The following CSF1R variants were observed in gnomAD, a reference collection of about 807,000 sequenced individuals.
CSF1R encodes the protein macrophage colony-stimulating factor 1 receptor.
CSF1R carries 40 observed loss-of-function variants against 110.0 expected under a neutral mutation model. The observed-to-expected ratio is 0.36, with a 90% CI of 0.28 to 0.47. The LOEUF (loss-of-function observed/expected upper bound fraction) is 0.47. Among genes scored for constraint, CSF1R ranks in the 20% least tolerant of loss-of-function variants. CSF1R has a pLI of 0.99. For synonymous variants in CSF1R, 523 were observed against 503.4 expected (o/e 1.04, Z -0.52); for missense variants, 1,052 against 1,253.0 (o/e 0.84, Z 2.42).
chr5:150,110,980 C>T (rs57242677), intron 1 of CSF1R, among the ~76,000 whole-genome samples: 3,984 of 151,816 alleles, frequency 0.026, 176 homozygotes, highest in African/African-American at 0.091. Context: ...ATAGAAGCCA[C>T]TTGCCTAAGC....
At position 150,054,012 on chromosome 5, in the gene CSF1R, C is replaced by A; in HGVS notation, c.*57G>T. On this transcript the variant is annotated 3_prime_UTR_variant, in exon 21 of 21. Transcript: ENST00000675795. ...GTATGTTCTCCCCGTGTCGCCCCAT[C>A]CATGGAGGAGTTGAAGTTTGTGGGA... The A allele has an allele frequency of 1.9e-6, 3 of 1,552,358 alleles. No homozygotes were observed. The highest frequency in any genetic ancestry group is 2.7e-6 in the Non-Finnish European group (3 of 1,130,662).
rs375971167 is a variant in CSF1R at position 150,073,456 on chromosome 5, G to A, written c.927C>T (p.Leu309=). Residue 309 remains leucine (L), a synonymous_variant, in exon 6 of 21, where the codon CTC becomes CTT. Transcript: ENST00000675795. ...AYLNLSSEQN[L]IQEVTVGEGL... ...CCTCCCCCACGGTCACCTCCTGGAT[G>A]AGGTTCTGCTCAGAGCTCAAGTTCA... The A allele has an allele frequency of 1.2e-6, 2 of 1,614,104 alleles. No individual in the cohort carries two copies. The highest frequency in any genetic ancestry group is 1.7e-6 in the Non-Finnish European group (2 of 1,180,006).
At chr5:150,086,823 A>G (rs909774372), upstream of CSF1R, among the ~76,000 whole-genome samples, 1 of 152,106 alleles carries the variant, frequency 6.6e-6, no homozygotes, top group Non-Finnish European at 1.5e-5. Context: ...AGCACAAATG[A>G]GGGTCTTCAG....
At position 150,053,345 on chromosome 5, in the gene CSF1R, T is replaced by TGTTA. The variant is rs1046387941; in HGVS notation, c.*720_*723dup. On this transcript the variant is annotated 3_prime_UTR_variant, in exon 21 of 21. Coordinates refer to ENST00000675795, the MANE Select transcript of CSF1R (RefSeq NM_001288705.3). ...GGACAGAGACATCCCACGGCGTGAC[T>TGTTA]GTTAGTTAGGATGAGTCAGCTTGGG... 4 of 233,536 alleles carry TGTTA rather than the reference T, an allele frequency of 1.7e-5. No individual in the cohort carries two copies. In the East Asian group the frequency reaches 1.8e-4, roughly 11 times the overall value. 14.5% of individuals were successfully genotyped at this position (233,536 alleles called of 1,614,324 possible).
At chr5:150,058,104 A>C (rs1302383965) in intron 14 of CSF1R, 2 of 409,966 alleles carry the variant, frequency 4.9e-6, no homozygotes, top group Non-Finnish European at 4.9e-6. Flanking sequence ...CCAGGTGATC[A>C]CAAAGTACAG....
At chr5:150,093,452 C>T (rs1033578074) in intron 1 of CSF1R, among the ~76,000 whole-genome samples, 3 of 151,990 alleles carry the variant, frequency 2.0e-5, no homozygotes, top group African/African-American at 4.8e-5. Context: ...AGTTGTAAAA[C>T]CCAGGACACT....
At chr5:150,093,296 C>A (rs1476611289) in intron 1 of CSF1R, among the ~76,000 whole-genome samples, 1 of 152,154 alleles carries the variant, frequency 6.6e-6, no homozygotes, top group African/African-American at 2.4e-5. Flanking sequence ...CTAAGCTGGT[C>A]TCGAATTCCT....
rs757190410 is a variant in CSF1R at position 150,059,736 on chromosome 5, T to C, written c.2096A>G (p.Tyr699Cys). ...PGQDPEGGVD[Y>C]KNIHLEKKYV... ...TTTCTTCTCGAGGTGGATGTTCTTA[T>C]AGTCGACGCCTCCCTCGGGGTCCTG... The change falls in exon 14 of 21, where the codon TAT becomes TGT. Residue 699 changes from tyrosine (Y) to cysteine (C), a missense_variant. This residue lies in a region of CSF1R where 124 missense variants were observed against 117.7 expected (regional missense o/e 1.05). Coordinates refer to ENST00000675795, the MANE Select transcript of CSF1R (RefSeq NM_001288705.3). The C allele has an allele frequency of 3.7e-6, 6 of 1,614,062 alleles. No homozygotes were observed. The African/African-American group carries it at 6.7e-5, about 18-fold the overall frequency.
intron 16 of CSF1R, 122 bp from the exon 17 acceptor site, chr5:150,056,463 G>T: frequency 7.9e-7 from 1 of 1,259,966 alleles, no homozygotes; most frequent in Non-Finnish European, 1.1e-6. Flanking sequence ...AACAGTTTTG[G>T]TCCTTTACCA....
chr5:150,088,916 T>C (rs1432231075), upstream of CSF1R, among the ~76,000 whole-genome samples: 1 of 152,174 alleles, frequency 6.6e-6, no homozygotes, highest in Non-Finnish European at 1.5e-5. Context: ...ACAACAGTGG[T>C]TTAACACATG....
intron 14 of CSF1R, 72 bp downstream of exon 14, chr5:150,059,628 G>C: frequency 6.4e-7 from 1 of 1,569,870 alleles, no homozygotes; most frequent in Non-Finnish European, 8.7e-7. Context: ...CCAACCCTGA[G>C]CTGGCTTTGA....
rs767351282 is a variant in CSF1R, at chr5:150,068,281, G to A, written c.1560C>T (p.Val520=). The A allele has an allele frequency of 8.7e-6, 14 of 1,612,780 alleles. No homozygotes were observed. The highest frequency in any genetic ancestry group is 1.2e-5 in the Non-Finnish European group (14 of 1,179,970). The part of the protein sequence containing the change: ...PDEFLFTPVV[V]ACMSIMALLL... ...GCAAGGCCATGATGGACATGCAGGC[G>A]ACCACCACTGGTGTGAAGAGGAACT... The change falls in exon 10 of 21, where the codon GTC becomes GTT. Residue 520 remains valine, a synonymous_variant. Transcript: ENST00000675795.
rs758314616 is a variant in CSF1R, at chr5:150,056,069, G to A, written c.2511C>T (p.Asp837=). The change falls in exon 18 of 21, where the codon GAC becomes GAT. Residue 837 remains aspartate, a synonymous_variant. Transcript: ENST00000675795. ...IFDCVYTVQS[D]VWSYGILLWE... ...AGAGGAGGATGCCATAGGACCAGAC[G>A]TCGCTCTGAACCGTGTAGACACAGT... is the stretch of plus-strand genomic sequence containing the variant. 19 of 1,614,112 alleles carry A rather than the reference G, an allele frequency of 1.2e-5. No homozygotes were observed. Among genetic ancestry groups the A allele is most frequent in the Non-Finnish European group, 1.5e-5 (18 of 1,180,048 alleles).
intron 1 of CSF1R, among the ~76,000 whole-genome samples, chr5:150,105,002 C>T (rs1195081276): frequency 2.0e-5 from 3 of 151,048 alleles, no homozygotes; most frequent in Non-Finnish European, 2.9e-5. Flanking sequence ...CCTCAGCCTC[C>T]TGAGTAGCTG....
chr5:150,054,683 G>A (rs1444207985), intron 19 of CSF1R: 4 of 458,548 alleles, frequency 8.7e-6, no homozygotes, highest in Non-Finnish European at 1.5e-5. Flanking sequence ...CTGTAATAAC[G>A]ATCTCTTAAA....
intron 1 of CSF1R, among the ~76,000 whole-genome samples, chr5:150,096,667 G>T (rs1022608003): frequency 1.3e-5 from 2 of 152,086 alleles, no homozygotes; most frequent in Non-Finnish European, 2.9e-5. Flanking sequence ...AGAGTTAAAG[G>T]TTGAAACGTT....
chr5:150,069,843 G>C, intron 9 of CSF1R, 30 bp downstream of exon 9: 5 of 1,394,550 alleles, frequency 3.6e-6, no homozygotes, highest in Non-Finnish European at 4.8e-6. Flanking sequence ...CGGGCGGGGG[G>C]GCGGTGCGGG....
At chr5:150,107,203 G>A (rs550441069) in intron 1 of CSF1R, among the ~76,000 whole-genome samples, 1 of 152,356 alleles carries the variant, frequency 6.6e-6, no homozygotes, top group East Asian at 1.9e-4. Flanking sequence ...GGCCCAGGAA[G>A]GCCAAGGCTC....
chr5:150,089,008 A>C (rs1428290146), upstream of CSF1R, among the ~76,000 whole-genome samples: 3 of 152,222 alleles, frequency 2.0e-5, no homozygotes, highest in African/African-American at 7.2e-5. Context: ...GTAAAACCCA[A>C]CATGCTTTCA....
Sources: allele counts gnomAD v4.1 joint callset (sites outside exome capture counted in the v4.1 genomes callset), GRCh38; gene constraint gnomAD v4.1.1; regional missense constraint gnomAD v4.1.1; transcripts MANE v1.5; gene names NCBI Gene and HGNC (gene_info 2026-07-23, HGNC 2026-07-21).